CNNM1: variants seen among roughly 807,000 people sequenced by gnomAD.
CNNM1 encodes metal transporter CNNM1.
CNNM1 carries 44 observed loss-of-function variants against 78.8 expected under a neutral mutation model. The observed-to-expected ratio is 0.56, with a 90% CI of 0.44 to 0.72. The LOEUF is 0.72. Ranked by LOEUF, CNNM1 falls within the 30% of genes least tolerant of loss-of-function variation. The probability of loss-of-function intolerance (pLI) is 0.00; values close to 1 mark genes in which losing one functional copy is unlikely to be tolerated. For missense variants in CNNM1, 1,101 were observed against 1,292.2 expected (o/e 0.85, Z 2.27); for synonymous variants, 584 against 581.5 (o/e 1.00, Z -0.06).
chr10:99,369,698 T>A (rs2031738605), intron 6 of CNNM1, among the ~76,000 whole-genome samples: 2 of 152,208 alleles, frequency 1.3e-5, no homozygotes. Flanking sequence ...TCACCAAAGT[T>A]TTCTCTCTCT....
intron 1 of CNNM1, among the ~76,000 whole-genome samples, chr10:99,356,243 C>T (rs982235829): frequency 5.9e-5 from 9 of 151,570 alleles, no homozygotes; most frequent in Non-Finnish European, 1.0e-4. Context: ...ATCATGAGGT[C>T]GAGGCAGATG....
intron 1 of CNNM1, among the ~76,000 whole-genome samples, chr10:99,356,584 GAA>G (rs977921874): frequency 3.2e-5 from 2 of 63,442 alleles, no homozygotes; most frequent in Non-Finnish European, 8.1e-5. Flanking sequence ...AAGAAAGAAA[GAA>G]AGAAAGAAAG....
At position 99,390,162 on chromosome 10, in the gene CNNM1, C is replaced by T. The variant is rs572577840; in HGVS notation, c.2675-144C>T. 1.0e-4 allele frequency: 60 copies of T among 589,690 alleles called. 1 individual carries two copies. The East Asian group carries it at 1.5e-3, about 15-fold the overall frequency. The allele number at this position is 589,690 out of a possible 1,614,324, so 36.5% of individuals were successfully genotyped here. ...TAATGACACCCTGTACTTCCCTGGG[C>T]GTCCCTGCCTTGTTACACCACCCTC... On this transcript the variant is annotated intron_variant, in intron 9 of 10. Coordinates refer to ENST00000356713, the MANE Select transcript of CNNM1 (RefSeq NM_020348.3).
chr10:99,339,696 T>A (rs954780252), intron 1 of CNNM1, among the ~76,000 whole-genome samples: 4 of 152,210 alleles, frequency 2.6e-5, no homozygotes, highest in Non-Finnish European at 4.4e-5. Flanking sequence ...CTGTCCCTGG[T>A]GCCAGAAAGG....
chr10:99,376,346 T>C (rs1371240156), intron 6 of CNNM1, among the ~76,000 whole-genome samples: 2 of 152,246 alleles, frequency 1.3e-5, no homozygotes, highest in East Asian at 3.8e-4. Context: ...GCTATGAACA[T>C]TTGTCAAGGA....
At chr10:99,356,504 G>GAGAGAGAA (rs1215329866) in intron 1 of CNNM1, among the ~76,000 whole-genome samples, 4 of 92,902 alleles carry the variant, frequency 4.3e-5, no homozygotes, top group Non-Finnish European at 7.9e-5. Flanking sequence ...GAGAGAGAGA[G>GAGAGAGAA]AGAGAGAAAG....
intron 6 of CNNM1, among the ~76,000 whole-genome samples, chr10:99,366,259 G>A (rs895987970): frequency 1.3e-5 from 2 of 152,080 alleles, no homozygotes; most frequent in Admixed American, 1.3e-4. Context: ...GTAGAACTCT[G>A]GATGGGTGAG....
chr10:99,358,455 G>A (rs1002313925), intron 2 of CNNM1, among the ~76,000 whole-genome samples: 4 of 152,216 alleles, frequency 2.6e-5, no homozygotes, highest in Non-Finnish European at 5.9e-5. Context: ...TCATGGAATA[G>A]CCATCCTTTT....
At chr10:99,343,268 G>C (rs555188319) in intron 1 of CNNM1, among the ~76,000 whole-genome samples, 1 of 151,960 alleles carries the variant, frequency 6.6e-6, no homozygotes, top group Non-Finnish European at 1.5e-5. Context: ...CGCCCGGCAT[G>C]TCTTTTATGA....
intron 10 of CNNM1, among the ~76,000 whole-genome samples, chr10:99,391,021 A>G (rs1387153154): frequency 1.3e-5 from 2 of 152,246 alleles, no homozygotes; most frequent in Non-Finnish European, 2.9e-5. Flanking sequence ...GTCCCTGGAA[A>G]TGGCTTGCAG....
At chr10:99,367,167 A>G (rs552848582) in intron 6 of CNNM1, among the ~76,000 whole-genome samples, 2 of 152,232 alleles carry the variant, frequency 1.3e-5, no homozygotes, top group Non-Finnish European at 2.9e-5. Context: ...AGCATCTTTC[A>G]CTGGCCAAGA....
intron 1 of CNNM1, among the ~76,000 whole-genome samples, chr10:99,338,520 C>A (rs1401621885): frequency 6.6e-6 from 1 of 152,084 alleles, no homozygotes; most frequent in South Asian, 2.1e-4. Context: ...CTCAGGCAAT[C>A]CGCCAACCTC....
At chr10:99,373,372 A>G (rs912527439) in intron 6 of CNNM1, among the ~76,000 whole-genome samples, 2 of 152,192 alleles carry the variant, frequency 1.3e-5, no homozygotes, top group Non-Finnish European at 2.9e-5. Context: ...AGTTGAGGTC[A>G]AAACCCACCA....
intron 1 of CNNM1, among the ~76,000 whole-genome samples, chr10:99,334,521 C>CT (rs1459933101): frequency 6.6e-6 from 1 of 152,042 alleles, no homozygotes; most frequent in Non-Finnish European, 1.5e-5. Flanking sequence ...GGTGTGGTGG[C>CT]ACACACCTGT....
intron 1 of CNNM1, among the ~76,000 whole-genome samples, chr10:99,338,295 ATTTTTT>A (rs34673859): frequency 7.2e-6 from 1 of 138,864 alleles, no homozygotes. Flanking sequence ...ACTAGGTGGC[ATTTTTT>A]TTTTTTTTTT....
chr10:99,376,619 G>A (rs1051025224), intron 6 of CNNM1, among the ~76,000 whole-genome samples: 2 of 152,154 alleles, frequency 1.3e-5, no homozygotes, highest in Non-Finnish European at 2.9e-5. Flanking sequence ...CATGGTAGAG[G>A]GGCGCATGGT....
At chr10:99,357,157 G>A (rs1181012924) in intron 1 of CNNM1, among the ~76,000 whole-genome samples, 1 of 152,144 alleles carries the variant, frequency 6.6e-6, no homozygotes, top group Non-Finnish European at 1.5e-5. Context: ...GCTTAGGGGA[G>A]GAGAATGACT....
At chr10:99,377,459 T>G in intron 7 of CNNM1, 1 of 340,720 alleles carries the variant, frequency 2.9e-6, no homozygotes, top group Non-Finnish European at 5.3e-6. Flanking sequence ...TGTGGGGAAA[T>G]GAGGCACAAA....
Position 99,362,359 on chromosome 10 carries a change from G to T in CNNM1, c.1991G>T (p.Arg664Leu), listed in dbSNP as rs764454140. 6.2e-7 allele frequency: 1 copy of T among 1,613,914 alleles called. No homozygotes were observed. Among genetic ancestry groups the T allele is most frequent in the Non-Finnish European group, 8.5e-7 (1 of 1,179,834 alleles). Residue 664 changes from arginine to leucine, a missense_variant, in exon 4 of 11, where the codon CGC becomes CTC. Physicochemically the swap from Arg to Leu is moderately radical, Grantham distance 102. Coordinates refer to ENST00000356713, the MANE Select transcript of CNNM1 (RefSeq NM_020348.3). ...GCCCCGGAACACTACCTCTACCAGC[G>T]CAACCGCCCTGTGGACTACTTTGTG... ...KKAPEHYLYQ[R>L]NRPVDYFVLL...
Sources: gnomAD v4.1 joint callset for allele counts (sites outside exome capture counted in the v4.1 genomes callset) on GRCh38, gnomAD v4.1.1 for gene constraint, MANE v1.5 for transcripts, NCBI Gene and HGNC (gene_info 2026-07-23, HGNC 2026-07-21) for gene names.